Variants in FBXO4 observed in about 807,000 individuals in gnomAD.
FBXO4 encodes F-box only protein 4.
In FBXO4, 36 loss-of-function variants were observed where a neutral mutation model predicts 43.7. The observed-to-expected ratio is 0.82, with a 90% CI of 0.63 to 1.09. The LOEUF (loss-of-function observed/expected upper bound fraction) is 1.09. Among genes scored for constraint, FBXO4 ranks in the 50% least tolerant of loss-of-function variants. FBXO4 has a pLI of 0.00. For missense variants in FBXO4, 435 were observed against 474.1 expected, an observed-to-expected ratio of 0.92 and a Z score of 0.77; for synonymous variants, 180 against 165.6, an observed-to-expected ratio of 1.09 and a Z score of -0.67.
chr5:41,930,800 G>A (rs539724873), intron 3 of FBXO4, among the ~76,000 whole-genome samples: 1 of 151,874 alleles, frequency 6.6e-6, no homozygotes, highest in Admixed American at 6.6e-5. Context: ...GACTACAGGC[G>A]CCCACCACTA....
chr5:42,036,987 G>A, the FBXO4 span, among the ~76,000 whole-genome samples: 2 of 152,056 alleles, frequency 1.3e-5, no homozygotes, highest in Admixed American at 1.3e-4. Context: ...GGTGTATTGA[G>A]AAGCTCCACC....
chr5:42,016,988 C>A, the FBXO4 span, among the ~76,000 whole-genome samples: 3 of 151,904 alleles, frequency 2.0e-5, no homozygotes, highest in Non-Finnish European at 2.9e-5. Flanking sequence ...GATTAATTAG[C>A]AATATTTAGA....
chr5:42,014,126 A>G, the FBXO4 span, among the ~76,000 whole-genome samples: 43 of 152,164 alleles, frequency 2.8e-4, no homozygotes, highest in African/African-American at 1.0e-3. Context: ...AAGACATTCA[A>G]TGAGGAGTCT....
chr5:42,036,312 A>G, the FBXO4 span, among the ~76,000 whole-genome samples: 1 of 152,048 alleles, frequency 6.6e-6, no homozygotes, highest in Non-Finnish European at 1.5e-5. Flanking sequence ...GTAGCATATT[A>G]GAATATGAGA....
chr5:41,956,560 A>AT, the FBXO4 span, among the ~76,000 whole-genome samples: 11 of 151,790 alleles, frequency 7.2e-5, no homozygotes, highest in African/African-American at 1.2e-4. Context: ...ATTTTTATAG[A>AT]TTTTTTTTGG....
chr5:42,012,190 T>C, the FBXO4 span, among the ~76,000 whole-genome samples: 1 of 152,202 alleles, frequency 6.6e-6, no homozygotes, highest in Non-Finnish European at 1.5e-5. Flanking sequence ...CCTCAAGGAT[T>C]ATTCATCATG....
chr5:41,982,322 C>T, the FBXO4 span, among the ~76,000 whole-genome samples: 1 of 152,132 alleles, frequency 6.6e-6, no homozygotes, highest in Admixed American at 6.5e-5. Flanking sequence ...GAGGAATCGC[C>T]ACACTGTCTT....
the FBXO4 span, among the ~76,000 whole-genome samples, chr5:42,024,411 T>C: frequency 6.6e-6 from 1 of 152,068 alleles, no homozygotes; most frequent in Non-Finnish European, 1.5e-5. Flanking sequence ...TTTTATATGT[T>C]CTTTTTAATT....
At chr5:42,010,650 A>G in the FBXO4 span, among the ~76,000 whole-genome samples, 5 of 152,280 alleles carry the variant, frequency 3.3e-5, no homozygotes, top group African/African-American at 9.6e-5. Flanking sequence ...TAATGGTGCT[A>G]TGAACAAGGG....
rs1219861227 is a variant in FBXO4 at position 41,929,599 on chromosome 5, T to C, written c.426-98T>C. On this transcript the variant is annotated intron_variant, in intron 2 of 6. Transcript: ENST00000281623. Reference sequence around the variant, plus strand: ...GGATTGGGACTATATAATCATTGTATCCATTGTGTCTAGCAAGTACTCAAT... The same window carrying C: ...GGATTGGGACTATATAATCATTGTACCCATTGTGTCTAGCAAGTACTCAAT... The C allele has an allele frequency of 3.7e-6, 3 of 806,600 alleles. No homozygotes were observed. In the African/African-American group the frequency reaches 5.2e-5, roughly 14 times the overall value. The allele number at this position is 806,600 out of a possible 1,614,324, so 50.0% of individuals were successfully genotyped here.
the FBXO4 span, among the ~76,000 whole-genome samples, chr5:41,994,054 C>G: frequency 6.6e-6 from 1 of 152,106 alleles, no homozygotes. Context: ...CATCACAAGT[C>G]CACTCCTAGA....
At chr5:41,962,230 T>C in the FBXO4 span, among the ~76,000 whole-genome samples, 15 of 152,236 alleles carry the variant, frequency 9.9e-5, no homozygotes, top group Non-Finnish European at 1.8e-4. Context: ...GAATGGGATC[T>C]GTGCCTTCGT....
the FBXO4 span, among the ~76,000 whole-genome samples, chr5:41,950,864 A>G: frequency 6.6e-6 from 1 of 152,218 alleles, no homozygotes; most frequent in Non-Finnish European, 1.5e-5. Flanking sequence ...CATATACACC[A>G]TGGAATACTC....
chr5:42,040,194 C>T, the FBXO4 span, among the ~76,000 whole-genome samples: 29 of 152,152 alleles, frequency 1.9e-4, no homozygotes, highest in African/African-American at 4.6e-4. Flanking sequence ...TGTCCCTTTT[C>T]GCCACTTTGT....
chr5:41,979,563 C>T, the FBXO4 span, among the ~76,000 whole-genome samples: 1 of 152,200 alleles, frequency 6.6e-6, no homozygotes, highest in Non-Finnish European at 1.5e-5. Flanking sequence ...CCACTCCCAA[C>T]ATGGCCAGTT....
chr5:42,030,979 G>A, the FBXO4 span, among the ~76,000 whole-genome samples: 2,127 of 152,246 alleles, frequency 0.014, 55 homozygotes, highest in African/African-American at 0.05. Context: ...AGAGGATGTG[G>A]AGAAATAGGA....
At chr5:42,009,026 A>G in the FBXO4 span, among the ~76,000 whole-genome samples, 9 of 152,156 alleles carry the variant, frequency 5.9e-5, no homozygotes, top group Non-Finnish European at 1.3e-4. Flanking sequence ...ATGGAGGTTA[A>G]GTAAGTTTTT....
At chr5:41,948,358 A>C in the FBXO4 span, among the ~76,000 whole-genome samples, 5 of 152,154 alleles carry the variant, frequency 3.3e-5, no homozygotes, top group South Asian at 1.0e-3. Context: ...GATGGTCTTG[A>C]GCTCCTGACC....
the FBXO4 span, among the ~76,000 whole-genome samples, chr5:42,032,569 G>T: frequency 2.0e-5 from 3 of 152,108 alleles, no homozygotes; most frequent in East Asian, 5.8e-4. Context: ...TTAAGGCTAA[G>T]GTCTCTTAAG....
Sources: allele counts gnomAD v4.1 joint callset (sites outside exome capture counted in the v4.1 genomes callset), GRCh38; gene constraint gnomAD v4.1.1; transcripts MANE v1.5; gene names NCBI Gene and HGNC (gene_info 2026-07-23, HGNC 2026-07-21).